TNNI3K: variants seen among roughly 807,000 people sequenced by gnomAD.
TNNI3K encodes the protein TNNI3 interacting kinase.
Under a neutral mutation model 114.5 loss-of-function variants are expected in TNNI3K, and 140 were observed. The observed-to-expected ratio is 1.22, with a 90% CI of 1.07 to 1.41. TNNI3K has a LOEUF of 1.41. Ranked by LOEUF, TNNI3K falls within the 40% of genes most tolerant of loss-of-function variation. TNNI3K has a pLI of 0.00. For missense variants in TNNI3K, 1,125 were observed against 1,007.6 expected (o/e 1.12, Z -1.58); for synonymous variants, 347 against 347.5 (o/e 1.00, Z 0.02).
At chr1:74,244,238 G>A (rs1382193710) in intron 2 of TNNI3K, among the ~76,000 whole-genome samples, 1 of 152,080 alleles carries the variant, frequency 6.6e-6, no homozygotes, top group Non-Finnish European at 1.5e-5. Flanking sequence ...TATTATAGGA[G>A]TCTATTCTCT....
In TNNI3K at chr1:74,235,460, T is replaced by C; in HGVS notation, c.9T>C (p.Asn3=). ...GAAGAAACTTATAATAAATGGGAAA[T>C]TATAAATCTAGACCAACCCAAACTT... is the stretch of plus-strand genomic sequence containing the variant. MG[N]YKSRPTQTCT... Residue 3 remains asparagine, a synonymous_variant, in exon 1 of 25, where the codon AAT becomes AAC. Coordinates refer to ENST00000326637, the MANE Select transcript of TNNI3K (RefSeq NM_015978.3). 4 of 1,520,222 alleles carry C rather than the reference T, an allele frequency of 2.6e-6. No individual in the cohort carries two copies. Among genetic ancestry groups the C allele is most frequent in the South Asian group, 1.2e-5 (1 of 84,702 alleles). The allele number at this position is 1,520,222 out of a possible 1,614,324, so 94.2% of individuals were successfully genotyped here.
chr1:74,250,496 A>G (rs556344793), intron 3 of TNNI3K, among the ~76,000 whole-genome samples, 176 bp from the exon 4 acceptor site: 1 of 152,360 alleles, frequency 6.6e-6, no homozygotes, highest in East Asian at 1.9e-4. Context: ...ATAAATGGAA[A>G]AGAAATATCC....
chr1:74,449,474 G>A (rs1448593196), intron 20 of TNNI3K, among the ~76,000 whole-genome samples: 3 of 151,738 alleles, frequency 2.0e-5, no homozygotes, highest in Non-Finnish European at 4.4e-5. Context: ...TCAGAAAAGA[G>A]TCAAGACCCA....
chr1:74,504,078 G>GTT (rs1669769771), intron 23 of TNNI3K, among the ~76,000 whole-genome samples: 1 of 152,170 alleles, frequency 6.6e-6, no homozygotes, highest in Non-Finnish European at 1.5e-5. Context: ...TACCCAGACA[G>GTT]CACTATAGTG....
intron 17 of TNNI3K, among the ~76,000 whole-genome samples, chr1:74,381,156 G>A (rs1305658051): frequency 6.6e-6 from 1 of 152,108 alleles, no homozygotes; most frequent in Non-Finnish European, 1.5e-5. Flanking sequence ...CAGCATGGAT[G>A]CCTCTGGGGA....
At chr1:74,463,927 G>T (rs78316959) in intron 21 of TNNI3K, among the ~76,000 whole-genome samples, 2,092 of 152,328 alleles carry the variant, frequency 0.014, 39 homozygotes, top group African/African-American at 0.048. Context: ...GCAGGCCTCA[G>T]AATAGGTGGT....
chr1:74,348,783 T>C (rs1186528856), intron 9 of TNNI3K, among the ~76,000 whole-genome samples: 1 of 152,170 alleles, frequency 6.6e-6, no homozygotes, highest in Non-Finnish European at 1.5e-5. Context: ...TCACTCATGA[T>C]TTGGCTCTCT....
At chr1:74,480,062 A>G in intron 21 of TNNI3K, 1 of 623,024 alleles carries the variant, frequency 1.6e-6, no homozygotes, top group Non-Finnish European at 2.9e-6. Context: ...AGCCCTGGCA[A>G]CCAAGTGTCT....
rs140748300 is a variant in TNNI3K, at chr1:74,434,544, T to A, written c.1773-1536T>A. On this transcript the variant is annotated intron_variant, in intron 17 of 24. Coordinates refer to ENST00000326637, the MANE Select transcript of TNNI3K (RefSeq NM_015978.3). Reference sequence around the variant, plus strand: ...TGTTCTTCAAAGCCCACTTCAAAGCTAATCCCTTTCTTAACCCACTCTATC... The same window carrying A: ...TGTTCTTCAAAGCCCACTTCAAAGCAAATCCCTTTCTTAACCCACTCTATC... Among the ~76,000 whole-genome samples the A allele has an allele frequency of 4.3e-3, 658 of 152,108 alleles. 4 individuals are homozygous for A. The highest frequency in any genetic ancestry group is 6.8e-3 in the Non-Finnish European group (464 of 67,946).
At chr1:74,383,612 G>C (rs1663317557) in intron 17 of TNNI3K, among the ~76,000 whole-genome samples, 1 of 152,118 alleles carries the variant, frequency 6.6e-6, no homozygotes, top group African/African-American at 2.4e-5. Flanking sequence ...GAACTTGAGA[G>C]TGTTCCCACT....
intron 5 of TNNI3K, among the ~76,000 whole-genome samples, chr1:74,294,176 A>G (rs187950752): frequency 5.9e-5 from 9 of 151,892 alleles, no homozygotes; most frequent in Non-Finnish European, 1.3e-4. Flanking sequence ...TTTCTTTAGA[A>G]TTTTTGCAAC....
intron 4 of TNNI3K, among the ~76,000 whole-genome samples, chr1:74,266,641 T>G (rs1570394320): frequency 1.3e-5 from 2 of 151,992 alleles, no homozygotes; most frequent in South Asian, 4.1e-4. Flanking sequence ...GAGTTGAAAT[T>G]TTTTTGTTTA....
At chr1:74,384,376 T>C (rs1663367570) in intron 17 of TNNI3K, among the ~76,000 whole-genome samples, 1 of 152,158 alleles carries the variant, frequency 6.6e-6, no homozygotes, top group Non-Finnish European at 1.5e-5. Flanking sequence ...TTTTCTGTTT[T>C]ACTTAGGTGA....
chr1:74,336,582 T>C (rs1259290719), intron 7 of TNNI3K, among the ~76,000 whole-genome samples: 1 of 148,176 alleles, frequency 6.7e-6, no homozygotes, highest in African/African-American at 2.5e-5. Context: ...TTCCCACCTA[T>C]GAGTGAGAAT....
intron 5 of TNNI3K, among the ~76,000 whole-genome samples, chr1:74,328,314 T>C (rs17095144): frequency 0.027 from 4,058 of 151,892 alleles, 193 homozygotes; most frequent in African/African-American, 0.094. Flanking sequence ...TTACCAACTT[T>C]TTCAGGTTCT....
At position 74,477,102 on chromosome 1, in the gene TNNI3K, T is replaced by C. The variant is rs1325845936; in HGVS notation, c.2122-12087T>C. Among the ~76,000 whole-genome samples the C allele has an allele frequency of 1.6e-4, 24 of 152,182 alleles. 1 individual carries two copies. Among genetic ancestry groups the C allele is most frequent in the Admixed American group, 1.6e-3 (24 of 15,264 alleles). ...AATTATGTAAATAATAATCCTTTTA[T>C]TGACAGATAGATTCTAGAGTTTGAA... On this transcript the variant is annotated intron_variant, in intron 21 of 24. Transcript: ENST00000326637.
rs1335213370 is a variant in TNNI3K, at chr1:74,439,559, A to C, written c.1948A>C (p.Ser650Arg). 1 of 1,613,588 alleles carries C rather than the reference A, an allele frequency of 6.2e-7. No individual in the cohort carries two copies. Among genetic ancestry groups the C allele is most frequent in the Admixed American group, 1.7e-5 (1 of 59,898 alleles). The change falls in exon 20 of 25, where the codon AGC (serine) becomes CGC (arginine). Residue 650 changes from serine to arginine, a missense_variant. By Grantham distance (110) the Ser-to-Arg change is moderately radical. Transcript: ENST00000326637. ...TRYTIKADVFSYALCLWEILT... is the reference protein window; with the variant it reads ...TRYTIKADVFRYALCLWEILT... ...GTACACCATCAAAGCAGATGTCTTC[A>C]GCTATGCTCTGTGTCTGTGGGAAAT... is the stretch of plus-strand genomic sequence containing the variant.
At chr1:74,339,280 A>G (rs139088050) in intron 7 of TNNI3K, among the ~76,000 whole-genome samples, 6 of 152,280 alleles carry the variant, frequency 3.9e-5, no homozygotes, top group African/African-American at 1.4e-4. Flanking sequence ...TAAAGTCAAG[A>G]GACGGCGTGA....
At chr1:74,497,185 T>C (rs1669371844) in intron 23 of TNNI3K, among the ~76,000 whole-genome samples, 1 of 152,132 alleles carries the variant, frequency 6.6e-6, no homozygotes, top group Non-Finnish European at 1.5e-5. Flanking sequence ...TGTAAGATGA[T>C]AGCACCATGA....
Sources: gnomAD v4.1 joint callset for allele counts (sites outside exome capture counted in the v4.1 genomes callset) on GRCh38, gnomAD v4.1.1 for gene constraint, MANE v1.5 for transcripts, NCBI Gene and HGNC (gene_info 2026-07-23, HGNC 2026-07-21) for gene names.